Variants in P4HA1 observed in about 807,000 individuals in gnomAD.
P4HA1 encodes prolyl 4-hydroxylase subunit alpha-1.
A neutral mutation model predicts 72.8 loss-of-function variants in P4HA1; 24 were observed. The observed-to-expected ratio is 0.33, with a 90% CI of 0.24 to 0.46. The LOEUF is 0.46. P4HA1 is among the 20% of genes least tolerant of loss of function. P4HA1 has a pLI of 1.00. For missense variants in P4HA1, 446 were observed against 640.6 expected, an observed-to-expected ratio of 0.70 and a Z score of 3.28; for synonymous variants, 201 against 218.8, an observed-to-expected ratio of 0.92 and a Z score of 0.72.
chr10:73,043,742 C>A, intron 9 of P4HA1: 1 of 687,782 alleles, frequency 1.5e-6, no homozygotes, highest in Non-Finnish European at 2.6e-6. Flanking sequence ...ATTAGTCCGT[C>A]ATGAAAACTC....
rs200681564 is a variant in P4HA1 at position 73,073,817 on chromosome 10, A to G, written c.87T>C (p.Thr29=). 30 of 1,539,882 alleles carry G rather than the reference A, an allele frequency of 1.9e-5. No individual in the cohort carries two copies. The East Asian group carries it at 6.1e-4, about 31-fold the overall frequency. ...PGFFTSIGQM[T]DLIHTEKDLV... ...GATCTTTCTCAGTATGGATCAAATC[A>G]GTCATCTGACCTAGAAGGGGAAGAA... The change falls in exon 3 of 15, where the codon ACT becomes ACC. Residue 29 remains threonine (T), a synonymous_variant. Transcript: ENST00000394890.
intron 10 of P4HA1, among the ~76,000 whole-genome samples, chr10:73,029,641 A>ATTTTT (rs143810789): frequency 1.6e-4 from 24 of 151,170 alleles, no homozygotes; most frequent in African/African-American, 5.6e-4. Flanking sequence ...GCCTATGCTT[A>ATTTTT]GTTTTTTTTT....
rs753423053 is a variant in P4HA1 at position 73,016,827 on chromosome 10, CCATTT to C, written c.1302+14_1302+18del. 26 of 1,575,410 alleles carry C rather than the reference CCATTT, an allele frequency of 1.7e-5. No homozygotes were observed. Among genetic ancestry groups the C allele is most frequent in the Non-Finnish European group, 2.2e-5 (25 of 1,145,508 alleles). ...AATGCATAAGCCTCAGTGAATTTCT[CCATTT>C]CTTTTTCACTTACCCGTGCAAAGTC... On this transcript the variant is annotated intron_variant, in intron 11 of 14. Transcript: ENST00000394890.
chr10:73,070,168 T>G (rs1336945146), intron 4 of P4HA1, among the ~76,000 whole-genome samples: 14 of 125,238 alleles, frequency 1.1e-4, no homozygotes, highest in African/African-American at 3.8e-4. Flanking sequence ...TTTTTTTTTT[T>G]TTTTTTTGAG....
At chr10:73,030,179 C>T in intron 10 of P4HA1, 92 bp downstream of exon 10, 2 of 524,204 alleles carry the variant, frequency 3.8e-6, no homozygotes, top group Non-Finnish European at 6.5e-6. Flanking sequence ...AACTATCATG[C>T]AAATTGAGGA....
At chr10:73,010,467 G>A (rs1158198139) in intron 13 of P4HA1, among the ~76,000 whole-genome samples, 1 of 151,992 alleles carries the variant, frequency 6.6e-6, no homozygotes, top group Non-Finnish European at 1.5e-5. Flanking sequence ...AAGATGGAGG[G>A]GAAAACACAA....
At chr10:73,062,330 T>A (rs1006523566) in intron 5 of P4HA1, among the ~76,000 whole-genome samples, 13 of 152,088 alleles carry the variant, frequency 8.5e-5, no homozygotes, top group Admixed American at 1.3e-4. Flanking sequence ...GCTCTTTTTA[T>A]GCTGTTACAC....
intron 7 of P4HA1, among the ~76,000 whole-genome samples, chr10:73,049,047 T>G (rs910861517): frequency 6.6e-6 from 1 of 151,192 alleles, no homozygotes; most frequent in African/African-American, 2.4e-5. Context: ...GGCAGGAGAA[T>G]GGCGTGAACC....
At chr10:73,074,687 G>C in intron 2 of P4HA1, 121 bp downstream of exon 2, 1 of 612,216 alleles carries the variant, frequency 1.6e-6, no homozygotes, top group East Asian at 3.0e-5. Flanking sequence ...CCTTTTAGGG[G>C]GCAGGGAATA....
At chr10:73,094,814 T>C (rs1476340209) in intron 1 of P4HA1, among the ~76,000 whole-genome samples, 1 of 152,230 alleles carries the variant, frequency 6.6e-6, no homozygotes, top group African/African-American at 2.4e-5. Flanking sequence ...TATAAAACTT[T>C]TTTTCAATAG....
chr10:73,047,442 T>G (rs1468886991), intron 7 of P4HA1, among the ~76,000 whole-genome samples: 5 of 150,972 alleles, frequency 3.3e-5, no homozygotes. Flanking sequence ...ATGCCTGGCA[T>G]TGCTCTAAAT....
chr10:73,092,442 T>G (rs1032942462), intron 1 of P4HA1, among the ~76,000 whole-genome samples: 3 of 150,012 alleles, frequency 2.0e-5, no homozygotes, highest in African/African-American at 7.4e-5. Flanking sequence ...TTCCAACTCT[T>G]GGGCTCAAGC....
intron 14 of P4HA1, among the ~76,000 whole-genome samples, chr10:73,009,271 A>C (rs1410116653): frequency 6.8e-6 from 1 of 147,674 alleles, no homozygotes; most frequent in African/African-American, 2.6e-5. Flanking sequence ...GTTTCTTTTT[A>C]CTTTTTAAAA....
chr10:73,074,169 C>T (rs995069772), intron 2 of P4HA1, among the ~76,000 whole-genome samples: 7 of 152,062 alleles, frequency 4.6e-5, no homozygotes, highest in Non-Finnish European at 8.8e-5. Context: ...TCTTTAGTTC[C>T]CCTTTACCTT....
At chr10:73,053,725 C>T (rs1370727657) in intron 5 of P4HA1, 135 bp from the exon 6 acceptor site, 3 of 678,870 alleles carry the variant, frequency 4.4e-6, no homozygotes, top group East Asian at 5.4e-5. Flanking sequence ...CAAAAATTAC[C>T]CTAATTTTAT....
intron 10 of P4HA1, among the ~76,000 whole-genome samples, chr10:73,029,039 A>C (rs557717911): frequency 7.7e-4 from 117 of 152,118 alleles, no homozygotes; most frequent in Middle Eastern, 3.4e-3. Context: ...AAAAAGAAAA[A>C]GAAAGGTTGA....
intron 9 of P4HA1, among the ~76,000 whole-genome samples, chr10:73,042,595 T>A (rs1451435244): frequency 1.3e-5 from 2 of 152,160 alleles, no homozygotes; most frequent in African/African-American, 2.4e-5. Flanking sequence ...TCCACCATCA[T>A]CCACTTAAAA....
At chr10:73,042,012 A>ATT (rs142195540) in intron 9 of P4HA1, among the ~76,000 whole-genome samples, 2 of 151,332 alleles carry the variant, frequency 1.3e-5, no homozygotes, top group African/African-American at 4.9e-5. Context: ...CACCTGGCTA[A>ATT]TTTTTTTTGT....
Position 73,047,108 on chromosome 10 carries a change from A to G in P4HA1, c.901-7T>C, listed in dbSNP as rs368485155. On this transcript the variant is annotated splice_region_variant and splice_polypyrimidine_tract_variant and intron_variant, in intron 7 of 14. Coordinates refer to ENST00000394890, the MANE Select transcript of P4HA1 (RefSeq NM_001017962.3). Reference sequence around the variant, plus strand: ...TTTTCTGTCTCCGAGGGGTCTAAACATAAAGTTAAGAATATGATGAATATA... The same window carrying G: ...TTTTCTGTCTCCGAGGGGTCTAAACGTAAAGTTAAGAATATGATGAATATA... 12 of 1,592,408 alleles carry G rather than the reference A, an allele frequency of 7.5e-6. 1 individual carries two copies. The South Asian group carries it at 1.1e-4, about 15-fold the overall frequency.
Sources: allele counts gnomAD v4.1 joint callset (sites outside exome capture counted in the v4.1 genomes callset), GRCh38; gene constraint gnomAD v4.1.1; transcripts MANE v1.5; gene names NCBI Gene and HGNC (gene_info 2026-07-23, HGNC 2026-07-21).